FMNL2: variants seen among roughly 807,000 people sequenced by gnomAD.
FMNL2 encodes the protein formin-like protein 2.
FMNL2 carries 51 observed loss-of-function variants against 130.2 expected under a neutral mutation model. The observed-to-expected ratio is 0.39, with a 90% CI of 0.31 to 0.49. The LOEUF is 0.49. Ranked by LOEUF, FMNL2 falls within the 20% of genes least tolerant of loss-of-function variation. The probability of loss-of-function intolerance (pLI) is 0.85; values close to 1 mark genes in which losing one functional copy is unlikely to be tolerated. For synonymous variants in FMNL2, 465 were observed against 467.1 expected (o/e 1.00, Z 0.06); for missense variants, 977 against 1,316.2 (o/e 0.74, Z 3.99).
intron 1 of FMNL2, among the ~76,000 whole-genome samples, chr2:152,508,119 T>C (rs1692276726): frequency 6.6e-6 from 1 of 152,178 alleles, no homozygotes; most frequent in Non-Finnish European, 1.5e-5. Context: ...ATTGTGCTTA[T>C]CATTTATAAA....
At chr2:152,549,132 C>T (rs1694805422) in intron 4 of FMNL2, 35 bp downstream of exon 4, 6 of 1,418,686 alleles carry the variant, frequency 4.2e-6, no homozygotes, top group Non-Finnish European at 5.8e-6. Context: ...AGCTCTAAAG[C>T]TTTTGGACAC....
chr2:152,489,320 T>C (rs187282760), intron 1 of FMNL2, among the ~76,000 whole-genome samples: 10 of 152,380 alleles, frequency 6.6e-5, no homozygotes, highest in South Asian at 2.1e-4. Flanking sequence ...GCCTGTCTTA[T>C]TCTGAGGCCC....
chr2:152,597,240 A>G, intron 9 of FMNL2, among the ~76,000 whole-genome samples: 1 of 152,228 alleles, frequency 6.6e-6, no homozygotes, highest in Non-Finnish European at 1.5e-5. Context: ...CTTTAAATTA[A>G]AAGGTGCACT....
At chr2:152,609,042 C>T (rs2105855627) in intron 10 of FMNL2, among the ~76,000 whole-genome samples, 1 of 152,324 alleles carries the variant, frequency 6.6e-6, no homozygotes, top group Middle Eastern at 3.4e-3. Flanking sequence ...CTTTGCGTGA[C>T]ACACAGCCCA....
rs575877666 is a variant in FMNL2 at position 152,601,872 on chromosome 2, G to A, written c.877-5467G>A. Among the ~76,000 whole-genome samples the A allele has an allele frequency of 1.0e-3, 151 of 148,320 alleles. 1 individual carries two copies. The highest frequency in any genetic ancestry group is 3.6e-3 in the African/African-American group (145 of 40,196). ...TCTAGTAGAAACGGGGTTTCACCCT[G>A]TTGGCCAGGCTGGTCTCAAACTCCT... On this transcript the variant is annotated intron_variant, in intron 9 of 25. Transcript: ENST00000288670.
At chr2:152,552,224 A>G (rs1220289459) in intron 4 of FMNL2, among the ~76,000 whole-genome samples, 2 of 152,216 alleles carry the variant, frequency 1.3e-5, no homozygotes, top group Non-Finnish European at 2.9e-5. Context: ...GTTACTCAAT[A>G]TATGATAGTT....
intron 1 of FMNL2, among the ~76,000 whole-genome samples, chr2:152,366,239 G>A (rs1683526607): frequency 7.1e-6 from 1 of 140,522 alleles, no homozygotes; most frequent in Non-Finnish European, 1.5e-5. Context: ...ATTGAACAAT[G>A]AGAACACGTG....
At chr2:152,418,640 T>C (rs1686744981) in intron 1 of FMNL2, among the ~76,000 whole-genome samples, 1 of 152,212 alleles carries the variant, frequency 6.6e-6, no homozygotes, top group Non-Finnish European at 1.5e-5. Context: ...ATTTCATTCT[T>C]TTTTAAGGCT....
At chr2:152,367,203 G>A (rs949141966) in intron 1 of FMNL2, among the ~76,000 whole-genome samples, 1 of 151,728 alleles carries the variant, frequency 6.6e-6, no homozygotes, top group African/African-American at 2.4e-5. Flanking sequence ...AGCCTCTCGA[G>A]TAGCTGGGAT....
chr2:152,604,546 C>T (rs1698254082), intron 9 of FMNL2, among the ~76,000 whole-genome samples: 2 of 141,972 alleles, frequency 1.4e-5, no homozygotes, highest in Non-Finnish European at 3.2e-5. Context: ...AGGATGGCCT[C>T]TTTTCCTCTT....
At chr2:152,484,763 A>G (rs906838638) in intron 1 of FMNL2, among the ~76,000 whole-genome samples, 3 of 152,146 alleles carry the variant, frequency 2.0e-5, no homozygotes, top group South Asian at 2.1e-4. Flanking sequence ...CCCTGTCTCT[A>G]AAACATAAAA....
At chr2:152,555,520 G>A (rs148922858) in intron 4 of FMNL2, among the ~76,000 whole-genome samples, 277 of 152,294 alleles carry the variant, frequency 1.8e-3, no homozygotes, top group Non-Finnish European at 2.7e-3. Flanking sequence ...GAGAAATAAG[G>A]TTCTAAGATT....
In FMNL2 at chr2:152,642,470, T is replaced by C. The variant is rs77402774; in HGVS notation, c.3169+1556T>C. On this transcript the variant is annotated intron_variant, in intron 25 of 25. Transcript: ENST00000288670. ...TGATGAAAATGCCATTCTCTACACA[T>C]GGCACACACACTCTGCACAAATGTG... Among the ~76,000 whole-genome samples the C allele has an allele frequency of 6.0e-3, 921 of 152,348 alleles. 7 individuals carry two copies. Among genetic ancestry groups the C allele is most frequent in the African/African-American group, 0.021 (873 of 41,574 alleles).
chr2:152,433,748 T>C (rs1687610169), intron 1 of FMNL2, among the ~76,000 whole-genome samples: 1 of 152,176 alleles, frequency 6.6e-6, no homozygotes, highest in East Asian at 1.9e-4. Flanking sequence ...GATCAGAGGC[T>C]GAGGGATAAA....
chr2:152,613,234 A>G (rs574385841), intron 11 of FMNL2, among the ~76,000 whole-genome samples: 2 of 152,368 alleles, frequency 1.3e-5, no homozygotes, highest in African/African-American at 2.4e-5. Context: ...AGGTTTGTCT[A>G]TCCCTTTTTC....
intron 22 of FMNL2, 128 bp from the exon 23 acceptor site, chr2:152,637,445 G>C (rs1353998795): frequency 2.9e-6 from 2 of 691,704 alleles, no homozygotes; most frequent in East Asian, 2.7e-5. Context: ...GGAGGTAAGG[G>C]AGGTGCAGCA....
intron 9 of FMNL2, among the ~76,000 whole-genome samples, chr2:152,601,569 G>A (rs1698059894): frequency 6.6e-6 from 1 of 151,752 alleles, no homozygotes; most frequent in Admixed American, 6.6e-5. Context: ...CCAAAGTGCT[G>A]GGATTACAGG....
rs772210229 is a variant in FMNL2, at chr2:152,495,439, C to T, written c.118-26504C>T. On this transcript the variant is annotated intron_variant, in intron 1 of 25. Transcript: ENST00000288670. ...TTGAGATGGGCGGATCACTTGAGGT[C>T]AGGAGTTCGAAACCAGCCTGGCCAA... Among the ~76,000 whole-genome samples, 110 of 151,730 alleles carry T rather than the reference C, an allele frequency of 7.2e-4. 1 individual carries two copies. Among genetic ancestry groups the T allele is most frequent in the African/African-American group, 2.5e-3 (102 of 41,292 alleles).
chr2:152,512,565 A>G (rs7590079), intron 1 of FMNL2, among the ~76,000 whole-genome samples: 50,710 of 152,080 alleles, frequency 0.33, 8,779 homozygotes, highest in East Asian at 0.58. Flanking sequence ...TTAAATAAAT[A>G]CCATAAACAT....
Sources: allele counts gnomAD v4.1 joint callset (sites outside exome capture counted in the v4.1 genomes callset), GRCh38; gene constraint gnomAD v4.1.1; transcripts MANE v1.5; gene names NCBI Gene and HGNC (gene_info 2026-07-23, HGNC 2026-07-21).